RBM18: variants seen among roughly 807,000 people sequenced by gnomAD.
The protein encoded by RBM18 is probable RNA-binding protein 18.
RBM18 carries 18 observed loss-of-function variants against 26.4 expected under a neutral mutation model. The ratio of observed to expected loss-of-function variants is 0.68; its 90% CI spans 0.47 to 1.01. The LOEUF (loss-of-function observed/expected upper bound fraction) is 1.01. RBM18 is among the 50% of genes least tolerant of loss of function. The pLI is 0.00. For synonymous variants in RBM18, 74 were observed against 81.1 expected, an observed-to-expected ratio of 0.91 and a Z score of 0.47; for missense variants, 180 against 219.2, an observed-to-expected ratio of 0.82 and a Z score of 1.13.
At chr9:122,243,072 T>C (rs908280872) in intron 5 of RBM18, among the ~76,000 whole-genome samples, 5 of 152,136 alleles carry the variant, frequency 3.3e-5, no homozygotes, top group African/African-American at 1.2e-4. Flanking sequence ...TCGTGATCCG[T>C]CCGCCTTGAC....
intron 1 of RBM18, among the ~76,000 whole-genome samples, chr9:122,262,634 T>C (rs1027511768): frequency 6.6e-6 from 1 of 152,160 alleles, no homozygotes; most frequent in Non-Finnish European, 1.5e-5. Context: ...CCCAGACTCA[T>C]GGGCGGTGGC....
chr9:122,245,358 G>C lies in RBM18; in HGVS notation c.328-17C>G, dbSNP rs372082533. On this transcript the variant is annotated splice_polypyrimidine_tract_variant and intron_variant, in intron 4 of 5. Coordinates refer to ENST00000417201, the MANE Select transcript of RBM18 (RefSeq NM_033117.4). ...ATCATATCTCTGAAAATGAGAAATA[G>C]AGAAATTACTTCACATGGGCAGAAA... The C allele has an allele frequency of 1.0e-5, 16 of 1,526,966 alleles. No homozygotes were observed. In the South Asian group the frequency reaches 1.3e-4, roughly 13 times the overall value. 94.6% of individuals were successfully genotyped at this position (1,526,966 alleles called of 1,614,324 possible). A position where few individuals can be genotyped will look rare whatever the true frequency, so the allele number is the denominator to read the frequency against.
intron 2 of RBM18, among the ~76,000 whole-genome samples, chr9:122,257,170 G>C (rs932281529): frequency 1.1e-4 from 17 of 152,114 alleles, no homozygotes; most frequent in African/African-American, 4.1e-4. Context: ...CCGCCTCCCA[G>C]GTTCATGCCA....
At chr9:122,261,259 A>G in intron 2 of RBM18, 121 bp downstream of exon 2, 1 of 686,766 alleles carries the variant, frequency 1.5e-6, no homozygotes, top group East Asian at 2.6e-5. Flanking sequence ...TATCTCTCCG[A>G]AGACACGATG....
intron 5 of RBM18, among the ~76,000 whole-genome samples, chr9:122,242,421 T>G (rs1831435943): frequency 6.6e-6 from 1 of 152,196 alleles, no homozygotes; most frequent in Non-Finnish European, 1.5e-5. Flanking sequence ...TTGCAGATGA[T>G]GTAACTGAGG....
At position 122,239,418 on chromosome 9, in the gene RBM18, T is replaced by C. The variant is rs1831376795; in HGVS notation, c.*2466A>G. 6.6e-6 allele frequency: 1 copy of C among 152,222 alleles called. No individual in the cohort carries two copies. Among genetic ancestry groups the C allele is most frequent in the Admixed American group, 6.5e-5 (1 of 15,280 alleles). 9.4% of individuals were successfully genotyped at this position (152,222 alleles called of 1,614,324 possible). On this transcript the variant is annotated 3_prime_UTR_variant, in exon 6 of 6. Transcript: ENST00000417201. ...ATTATAGAAAATCAACTGGTTAGGATTACATTTTGCATTTGATAAAATAGG... is the reference window on the plus strand; with the variant it reads ...ATTATAGAAAATCAACTGGTTAGGACTACATTTTGCATTTGATAAAATAGG...
chr9:122,243,868 T>C, intron 5 of RBM18: 1 of 985,240 alleles, frequency 1.0e-6, no homozygotes, highest in Non-Finnish European at 1.2e-6. Context: ...GCTGAGGTCC[T>C]CTGGATAAAA....
chr9:122,245,639 C>T (rs1488299937), intron 4 of RBM18, among the ~76,000 whole-genome samples: 3 of 152,078 alleles, frequency 2.0e-5, no homozygotes, highest in Non-Finnish European at 2.9e-5. Flanking sequence ...TTCTTATATT[C>T]TTAACTGTCA....
intron 4 of RBM18, among the ~76,000 whole-genome samples, chr9:122,245,724 T>A (rs1831495212): frequency 1.3e-5 from 2 of 151,954 alleles, no homozygotes; most frequent in African/African-American, 4.8e-5. Context: ...ACGCCTGTAA[T>A]CCCAGCACTT....
rs949204852 is a variant in RBM18, at chr9:122,241,289, T to C, written c.*595A>G. 1 of 152,270 alleles carries C rather than the reference T, an allele frequency of 6.6e-6. No homozygotes were observed. The highest frequency in any genetic ancestry group is 2.4e-5 in the African/African-American group (1 of 41,466). 9.4% of individuals were successfully genotyped at this position (152,270 alleles called of 1,614,324 possible). On this transcript the variant is annotated 3_prime_UTR_variant, in exon 6 of 6. Transcript: ENST00000417201. Reference sequence around the variant, plus strand: ...ATACACCATGTTTTCCTAGTTGGGATTTTGAAACAATAAGCATAATTCTTA... The same window carrying C: ...ATACACCATGTTTTCCTAGTTGGGACTTTGAAACAATAAGCATAATTCTTA...
At chr9:122,249,387 T>C (rs1322892656) in intron 3 of RBM18, among the ~76,000 whole-genome samples, 4 of 152,158 alleles carry the variant, frequency 2.6e-5, no homozygotes, top group Admixed American at 2.6e-4. Flanking sequence ...CCAACATCTA[T>C]GCCCAACATG....
intron 5 of RBM18, 151 bp downstream of exon 5, chr9:122,245,105 T>C (rs1374332801): frequency 1.7e-6 from 1 of 604,488 alleles, no homozygotes; most frequent in Non-Finnish European, 2.9e-6. Context: ...AGAGGAAATG[T>C]ATACATTCTG....
chr9:122,251,772 G>C, intron 3 of RBM18, 75 bp downstream of exon 3: 1 of 1,413,330 alleles, frequency 7.1e-7, no homozygotes, highest in South Asian at 1.2e-5. Context: ...TGCTATTCTA[G>C]TAGGCAAGAG....
At chr9:122,252,111 G>T in intron 2 of RBM18, 138 bp from the exon 3 acceptor site, 1 of 1,074,010 alleles carries the variant, frequency 9.3e-7, no homozygotes, top group African/African-American at 1.6e-5. Context: ...CCTCTAAACT[G>T]CTATGTTAGT....
intron 2 of RBM18, among the ~76,000 whole-genome samples, chr9:122,252,811 C>G (rs1469035487): frequency 6.6e-6 from 1 of 152,240 alleles, no homozygotes; most frequent in African/African-American, 2.4e-5. Context: ...CTATTGCTTA[C>G]CACTACTCTG....
chr9:122,261,514 G>A lies in RBM18; in HGVS notation c.-16-6C>T. 2.6e-6 allele frequency: 4 copies of A among 1,536,248 alleles called. No individual in the cohort carries two copies. Among genetic ancestry groups the A allele is most frequent in the Non-Finnish European group, 2.7e-6 (3 of 1,108,846 alleles). On this transcript the variant is annotated splice_region_variant and splice_polypyrimidine_tract_variant and intron_variant, in intron 1 of 5. Transcript: ENST00000417201. Reference sequence around the variant, plus strand: ...CCATCAATGTCTATGAAATACTAAAGGAAATGTGAACATTCAGGCAGGAGG... The same window carrying A: ...CCATCAATGTCTATGAAATACTAAAAGAAATGTGAACATTCAGGCAGGAGG...
intron 2 of RBM18, among the ~76,000 whole-genome samples, chr9:122,256,686 CA>C (rs1029427958): frequency 6.6e-6 from 1 of 151,842 alleles, no homozygotes; most frequent in Non-Finnish European, 1.5e-5. Flanking sequence ...AATATTTGTG[CA>C]AAAAAACACT....
rs1180190941 is a variant in RBM18, at chr9:122,239,659, T to G, written c.*2225A>C. 4 of 152,132 alleles carry G rather than the reference T, an allele frequency of 2.6e-5. No individual in the cohort carries two copies. Among genetic ancestry groups the G allele is most frequent in the Non-Finnish European group, 4.4e-5 (3 of 68,048 alleles). The allele number at this position is 152,132 out of a possible 1,614,324, so 9.4% of individuals were successfully genotyped here. ...TTAAAAACCTTTCATCAGACTGCTTTCAGCATATTTAGGATACATACATTT... is the reference window on the plus strand; with the variant it reads ...TTAAAAACCTTTCATCAGACTGCTTGCAGCATATTTAGGATACATACATTT... On this transcript the variant is annotated 3_prime_UTR_variant, in exon 6 of 6. Coordinates refer to ENST00000417201, the MANE Select transcript of RBM18 (RefSeq NM_033117.4).
rs944204522 is a variant in RBM18, at chr9:122,239,089, T to C, written c.*2795A>G. 1.3e-5 allele frequency: 2 copies of C among 152,256 alleles called. No individual in the cohort carries two copies. The highest frequency in any genetic ancestry group is 2.9e-5 in the Non-Finnish European group (2 of 68,048). The allele number at this position is 152,256 out of a possible 1,614,324, so 9.4% of individuals were successfully genotyped here. A position where few individuals can be genotyped will look rare whatever the true frequency, so the allele number is the denominator to read the frequency against. ...GGCAAGAATTACTCCTGTTCTTTTA[T>C]GTAGTAGTATAAAAGAATCACAGAT... On this transcript the variant is annotated 3_prime_UTR_variant, in exon 6 of 6. Coordinates refer to ENST00000417201, the MANE Select transcript of RBM18 (RefSeq NM_033117.4).
Sources: allele counts gnomAD v4.1 joint callset (sites outside exome capture counted in the v4.1 genomes callset), GRCh38; gene constraint gnomAD v4.1.1; transcripts MANE v1.5; gene names NCBI Gene and HGNC (gene_info 2026-07-23, HGNC 2026-07-21).